Variants in PDZD2 observed in about 807,000 individuals in gnomAD.
PDZD2 encodes PDZ domain-containing protein 2.
PDZD2 carries 90 observed loss-of-function variants against 220.7 expected under a neutral mutation model. The observed-to-expected ratio is 0.41, with a 90% confidence interval of 0.34 to 0.49. PDZD2 has a LOEUF of 0.49. Among genes scored for constraint, PDZD2 ranks in the 20% least tolerant of loss-of-function variants. The pLI is 0.28. For missense variants in PDZD2, 3,174 were observed against 3,608.5 expected (o/e 0.88, Z 3.08); for synonymous variants, 1,375 against 1,450.5 (o/e 0.95, Z 1.18).
intron 1 of PDZD2, among the ~76,000 whole-genome samples, chr5:31,757,148 T>C (rs1226402114): frequency 6.6e-6 from 1 of 152,040 alleles, no homozygotes; most frequent in African/African-American, 2.4e-5. Flanking sequence ...TAGCTGGGCA[T>C]GGTGGTGCAT....
At chr5:31,685,716 G>T (rs55929738) in intron 1 of PDZD2, among the ~76,000 whole-genome samples, 21,488 of 151,948 alleles carry the variant, frequency 0.14, 1,723 homozygotes, top group Non-Finnish European at 0.17. Context: ...TAAAAACGAG[G>T]TTTCACCATG....
intron 1 of PDZD2, among the ~76,000 whole-genome samples, chr5:31,681,833 T>C (rs1470358904): frequency 6.6e-6 from 1 of 152,140 alleles, no homozygotes; most frequent in Admixed American, 6.5e-5. Context: ...CCATAGAGAC[T>C]CCATTTAAAT....
At chr5:31,866,594 A>T (rs1738253380) in intron 2 of PDZD2, among the ~76,000 whole-genome samples, 1 of 152,098 alleles carries the variant, frequency 6.6e-6, no homozygotes, top group African/African-American at 2.4e-5. Context: ...ATTATTTTTT[A>T]AAAAAGAAGA....
intron 2 of PDZD2, among the ~76,000 whole-genome samples, chr5:31,898,701 C>A (rs1021693052): frequency 2.0e-5 from 3 of 151,956 alleles, no homozygotes; most frequent in African/African-American, 4.8e-5. Context: ...CCAGCCAAAC[C>A]TTTCCTAGCT....
In PDZD2 at chr5:32,000,368, G is replaced by A; in HGVS notation, c.1254+97G>A. 2.2e-6 allele frequency: 3 copies of A among 1,334,626 alleles called. No homozygotes were observed. Among genetic ancestry groups the A allele is most frequent in the Non-Finnish European group, 3.2e-6 (3 of 935,388 alleles). The allele number at this position is 1,334,626 out of a possible 1,614,324, so 82.7% of individuals were successfully genotyped here. A position where few individuals can be genotyped will look rare whatever the true frequency, so the allele number is the denominator to read the frequency against. On this transcript the variant is annotated intron_variant, in intron 5 of 24. Transcript: ENST00000438447. This position sits in a 1 kb window ranked among gnomAD's most constrained non-coding sequence, Gnocchi z 4.5. ...GCCACACACACACACAAAGACATGT[G>A]TGCACTTGTACGTTTGCCTTGGGCT...
At chr5:32,081,661 G>A (rs567498078) in intron 19 of PDZD2, among the ~76,000 whole-genome samples, 4 of 152,190 alleles carry the variant, frequency 2.6e-5, no homozygotes, top group Non-Finnish European at 5.9e-5. Context: ...TTCTTCCAGT[G>A]TTATTACAAA....
At chr5:32,040,929 G>C (rs182817871) in intron 7 of PDZD2, among the ~76,000 whole-genome samples, 1 of 135,692 alleles carries the variant, frequency 7.4e-6, no homozygotes, top group Non-Finnish European at 1.6e-5. Context: ...ACCTCTGCCC[G>C]GCTGCCACCC....
intron 2 of PDZD2, among the ~76,000 whole-genome samples, chr5:31,814,105 A>G (rs1343674448): frequency 2.0e-5 from 3 of 152,222 alleles, no homozygotes; most frequent in Admixed American, 1.3e-4. Flanking sequence ...TGAGGTCACT[A>G]AAAGAAAGAG....
chr5:31,666,805 G>C (rs541355445), intron 1 of PDZD2, among the ~76,000 whole-genome samples: 2 of 152,310 alleles, frequency 1.3e-5, no homozygotes, highest in African/African-American at 4.8e-5. Flanking sequence ...CCGTCTTTAA[G>C]ATCAGATAGA....
intron 1 of PDZD2, among the ~76,000 whole-genome samples, chr5:31,667,286 TCCCCTTCTTCTAGACA>T (rs1311908740): frequency 4.1e-5 from 6 of 146,012 alleles, no homozygotes; most frequent in Non-Finnish European, 6.0e-5. Context: ...GTGTGCCTGG[TCCCCTTCTTCTAGACA>T]CTAGGGATAC....
chr5:31,985,307 G>A (rs1750626288), intron 3 of PDZD2, among the ~76,000 whole-genome samples: 1 of 152,154 alleles, frequency 6.6e-6, no homozygotes, highest in South Asian at 2.1e-4. Flanking sequence ...TCATTTGAAG[G>A]TTTAAGGCAC....
intron 6 of PDZD2, among the ~76,000 whole-genome samples, chr5:32,012,593 G>T (rs1753414426): frequency 6.6e-6 from 1 of 151,712 alleles, no homozygotes; most frequent in African/African-American, 2.4e-5. Context: ...TCACTGTGTT[G>T]CCCAGGCTGG....
chr5:31,927,287 AAGTG>A (rs1423693858), intron 2 of PDZD2, among the ~76,000 whole-genome samples: 1 of 152,190 alleles, frequency 6.6e-6, no homozygotes, highest in Non-Finnish European at 1.5e-5. Flanking sequence ...GAGAGAAAAA[AAGTG>A]AGGGCAGGGC....
At chr5:31,995,069 C>T (rs983161620) in intron 3 of PDZD2, among the ~76,000 whole-genome samples, 4 of 152,142 alleles carry the variant, frequency 2.6e-5, no homozygotes, top group Non-Finnish European at 5.9e-5. Flanking sequence ...TTCCTTTCAT[C>T]TTTGTTAATT....
Position 31,769,127 on chromosome 5 carries a change from C to T in PDZD2, c.-360-29762C>T, listed in dbSNP as rs117288542. The stretch of plus-strand genomic sequence containing the variant: ...CTGCATTGCCGAGGGCAGATGCAGC[C>T]GGAGAGCCCCACTGGGACACAGTGA... On this transcript the variant is annotated intron_variant, in intron 1 of 24. Coordinates refer to ENST00000438447, the MANE Select transcript of PDZD2 (RefSeq NM_178140.4). Among the ~76,000 whole-genome samples the T allele has an allele frequency of 3.9e-4, 60 of 152,304 alleles. No homozygotes were observed. In the East Asian group the frequency reaches 0.01, roughly 26 times the overall value.
At chr5:31,705,617 G>A (rs1364757513) in intron 1 of PDZD2, among the ~76,000 whole-genome samples, 1 of 152,120 alleles carries the variant, frequency 6.6e-6, no homozygotes, top group Non-Finnish European at 1.5e-5. Flanking sequence ...TTATAGATTT[G>A]TATAATAAAA....
chr5:31,856,991 CACCTT>C (rs1449360673), intron 2 of PDZD2, among the ~76,000 whole-genome samples: 34 of 152,066 alleles, frequency 2.2e-4, no homozygotes, highest in African/African-American at 6.8e-4. Context: ...AGTACTCACT[CACCTT>C]ACCTCTTACC....
chr5:32,068,372 A>G lies in PDZD2; in HGVS notation c.2452-1197A>G, dbSNP rs150137563. Among the ~76,000 whole-genome samples the G allele has an allele frequency of 1.1e-3, 169 of 152,380 alleles. 1 individual carries two copies. The highest frequency in any genetic ancestry group is 4.0e-3 in the African/African-American group (166 of 41,598). ...CATCACTATGCAAAGAAGTTGATCC[A>G]TGGCAGCCTGCTACAGGTCCACAGC... On this transcript the variant is annotated intron_variant, in intron 14 of 24. Coordinates refer to ENST00000438447, the MANE Select transcript of PDZD2 (RefSeq NM_178140.4).
chr5:31,750,440 C>T (rs1043278679), intron 1 of PDZD2, among the ~76,000 whole-genome samples: 9 of 152,188 alleles, frequency 5.9e-5, no homozygotes, highest in African/African-American at 1.4e-4. Flanking sequence ...GATGCAGGAA[C>T]GCTACAGCGA....
Sources: gnomAD v4.1 joint callset for allele counts (sites outside exome capture counted in the v4.1 genomes callset) on GRCh38, gnomAD v4.1.1 for gene constraint, Gnocchi (gnomAD v3.1) non-coding constraint, MANE v1.5 for transcripts, NCBI Gene and HGNC (gene_info 2026-07-23, HGNC 2026-07-21) for gene names.